The following CACNA1E variants were observed in gnomAD, a reference collection of about 807,000 sequenced individuals.
CACNA1E encodes the protein calcium voltage-gated channel subunit alpha1 E.
In CACNA1E, 40 loss-of-function variants were observed where a neutral mutation model predicts 259.2. The observed-to-expected ratio is 0.15, with a 90% CI of 0.12 to 0.20. The LOEUF is 0.20. Ranked by LOEUF, CACNA1E falls within the 10% of genes least tolerant of loss-of-function variation. The probability of loss-of-function intolerance (pLI) is 1.00; values close to 1 mark genes in which losing one functional copy is unlikely to be tolerated. For missense variants in CACNA1E, 1,874 were observed against 3,040.1 expected (o/e 0.62, Z 9.02); for synonymous variants, 1,104 against 1,138.5 (o/e 0.97, Z 0.61).
intron 7 of CACNA1E, among the ~76,000 whole-genome samples, chr1:181,670,878 G>A (rs1648723767): frequency 6.6e-6 from 1 of 152,144 alleles, no homozygotes; most frequent in African/African-American, 2.4e-5. Flanking sequence ...TATAATATGA[G>A]GAAGGGATGA....
At chr1:181,347,341 G>A (rs1449778852) in intron 1 of CACNA1E, among the ~76,000 whole-genome samples, 1 of 152,216 alleles carries the variant, frequency 6.6e-6, no homozygotes, top group Non-Finnish European at 1.5e-5. Flanking sequence ...ATACAAAGCA[G>A]GCAATGGAAG....
chr1:181,465,064 T>C (rs1470991886), intron 2 of CACNA1E, among the ~76,000 whole-genome samples: 1 of 152,190 alleles, frequency 6.6e-6, no homozygotes, highest in African/African-American at 2.4e-5. Context: ...TTATTTCCCC[T>C]GAACTTGTAT....
chr1:181,790,408 G>A (rs368680280), intron 43 of CACNA1E, 37 bp from the exon 44 acceptor site: 16 of 1,347,770 alleles, frequency 1.2e-5, no homozygotes, highest in Non-Finnish European at 1.7e-5. Context: ...TGGCATGACT[G>A]TCCCTCATTA....
intron 18 of CACNA1E, among the ~76,000 whole-genome samples, chr1:181,730,012 G>C (rs972729984): frequency 2.4e-4 from 37 of 152,276 alleles, no homozygotes; most frequent in Non-Finnish European, 5.1e-4. Flanking sequence ...GAGCTCACAG[G>C]CTTCTCCACA....
At chr1:181,619,186 G>C (rs1169983900) in intron 6 of CACNA1E, among the ~76,000 whole-genome samples, 1 of 135,372 alleles carries the variant, frequency 7.4e-6, no homozygotes, top group African/African-American at 2.9e-5. Flanking sequence ...ACAAGGGGAC[G>C]GGGTCGGTTT....
At chr1:181,407,068 C>T (rs1657516809) in intron 1 of CACNA1E, among the ~76,000 whole-genome samples, 1 of 152,200 alleles carries the variant, frequency 6.6e-6, no homozygotes, top group East Asian at 1.9e-4. Context: ...CTCAGACTGA[C>T]TTAGTGCACA....
At chr1:181,791,197 T>C (rs1017038204) in intron 44 of CACNA1E, among the ~76,000 whole-genome samples, 8 of 152,146 alleles carry the variant, frequency 5.3e-5, no homozygotes, top group East Asian at 3.8e-4. Flanking sequence ...CCTGGCTGGG[T>C]GCGGTGGCTC....
chr1:181,413,102 A>G (rs1657985760), intron 1 of CACNA1E: 1 of 144,432 alleles, frequency 6.9e-6, no homozygotes, highest in South Asian at 2.2e-4. Flanking sequence ...TCCCTTCCCC[A>G]CTCCTTGTCT....
chr1:181,413,001 C>CAG (rs1322937931), intron 1 of CACNA1E: 2 of 152,818 alleles, frequency 1.3e-5, no homozygotes, highest in South Asian at 2.1e-4. Context: ...CTGAGCAAGC[C>CAG]AGAAGCCTTG....
chr1:181,625,687 G>T (rs980576027), intron 6 of CACNA1E, among the ~76,000 whole-genome samples: 3 of 152,204 alleles, frequency 2.0e-5, no homozygotes, highest in African/African-American at 7.2e-5. Flanking sequence ...AGACCACTCA[G>T]ACGTTCTCTG....
chr1:181,475,739 T>C (rs1662800112), intron 2 of CACNA1E, among the ~76,000 whole-genome samples: 1 of 152,100 alleles, frequency 6.6e-6, no homozygotes, highest in African/African-American at 2.4e-5. Context: ...GCAACTGGCA[T>C]TTTGGGAGGG....
chr1:181,438,264 T>C (rs538788008), intron 2 of CACNA1E, among the ~76,000 whole-genome samples: 15 of 152,326 alleles, frequency 9.8e-5, no homozygotes, highest in African/African-American at 3.4e-4. Flanking sequence ...TTAGGAGTTT[T>C]GGTCTCATAA....
chr1:181,396,571 G>A (rs879400223), intron 1 of CACNA1E, among the ~76,000 whole-genome samples: 5 of 152,220 alleles, frequency 3.3e-5, no homozygotes, highest in Non-Finnish European at 5.9e-5. Flanking sequence ...TCAGGAAATA[G>A]CTGATGAAGG....
chr1:181,707,684 G>A (rs1652927155), intron 7 of CACNA1E, among the ~76,000 whole-genome samples: 1 of 152,140 alleles, frequency 6.6e-6, no homozygotes, highest in South Asian at 2.1e-4. Flanking sequence ...TAGTTCACCT[G>A]CTCCCTTTGA....
At chr1:181,547,838 G>A (rs886202033) in intron 3 of CACNA1E, among the ~76,000 whole-genome samples, 79 of 152,254 alleles carry the variant, frequency 5.2e-4, no homozygotes, top group Non-Finnish European at 6.0e-4. Flanking sequence ...ACACTGCCTC[G>A]TTTGCTAATT....
intron 30 of CACNA1E, among the ~76,000 whole-genome samples, 175 bp downstream of exon 30, chr1:181,757,301 C>A (rs1370912064): frequency 6.6e-6 from 1 of 152,174 alleles, no homozygotes; most frequent in African/African-American, 2.4e-5. Flanking sequence ...CTGTTTAAGG[C>A]CCACGTATGA....
rs575876663 is a variant in CACNA1E, at chr1:181,610,445, G to A, written c.951+29669G>A. Among the ~76,000 whole-genome samples, 18 of 152,288 alleles carry A rather than the reference G, an allele frequency of 1.2e-4. No individual in the cohort carries two copies. In the South Asian group the frequency reaches 3.1e-3, roughly 26 times the overall value. On this transcript the variant is annotated intron_variant, in intron 6 of 47. Coordinates refer to ENST00000367573, the MANE Select transcript of CACNA1E (RefSeq NM_001205293.3). ...TTGTCTGCAGCACTTTCTACTTTGC[G>A]TGGTCTATAAAAGACAGCTACAGAA... is the stretch of plus-strand genomic sequence containing the variant.
chr1:181,476,583 C>T (rs1450949316), intron 2 of CACNA1E, among the ~76,000 whole-genome samples: 3 of 152,340 alleles, frequency 2.0e-5, no homozygotes, highest in South Asian at 4.1e-4. Context: ...AACCTGGGCA[C>T]CTTCTCCTAG....
At position 181,361,054 on chromosome 1, in the gene CACNA1E, C is replaced by T. The variant is rs565254824; in HGVS notation, c.-15+42931C>T. 4.1e-4 allele frequency among the ~76,000 whole-genome samples: 63 copies of T among 152,272 alleles called. No individual in the cohort carries two copies. The Middle Eastern group carries it at 0.01, about 25-fold the overall frequency. ...GTACATCTTTCCACTCCTTGCTTCACAGGTGGCATCTCACCACTCCCAGTC... is the reference window on the plus strand; with the variant it reads ...GTACATCTTTCCACTCCTTGCTTCATAGGTGGCATCTCACCACTCCCAGTC... On this transcript the variant is annotated intron_variant, in intron 1 of 11. Coordinates refer to the CACNA1E transcript ENST00000524607.
Sources: gnomAD v4.1 joint callset for allele counts (sites outside exome capture counted in the v4.1 genomes callset) on GRCh38, gnomAD v4.1.1 for gene constraint, MANE v1.5 for transcripts, NCBI Gene and HGNC (gene_info 2026-07-23, HGNC 2026-07-21) for gene names.